TOX3: variants seen among roughly 807,000 people sequenced by gnomAD.
TOX3 encodes CAG trinucleotide repeat-containing gene F9 protein.
A neutral mutation model predicts 64.3 loss-of-function variants in TOX3; 22 were observed. The ratio of observed to expected loss-of-function variants is 0.34; its 90% CI spans 0.24 to 0.49. TOX3 has a LOEUF of 0.49. Among genes scored for constraint, TOX3 ranks in the 20% least tolerant of loss-of-function variants. TOX3 has a pLI of 0.99. For synonymous variants in TOX3, 291 were observed against 273.6 expected (o/e 1.06, Z -0.63); for missense variants, 661 against 714.4 (o/e 0.93, Z 0.85).
At chr16:52,495,415 C>G (rs910380203) in intron 1 of TOX3, among the ~76,000 whole-genome samples, 1 of 152,130 alleles carries the variant, frequency 6.6e-6, no homozygotes, top group Non-Finnish European at 1.5e-5. Flanking sequence ...CACTCTGGAC[C>G]AACTTTTTCA....
chr16:52,525,177 C>T (rs1264813507), intron 1 of TOX3, among the ~76,000 whole-genome samples: 2 of 152,096 alleles, frequency 1.3e-5, no homozygotes, highest in African/African-American at 2.4e-5. Flanking sequence ...CTGACGAATG[C>T]AAAGGCTGAT....
chr16:52,468,659 A>C (rs9928698), intron 1 of TOX3, 85 bp from the exon 2 acceptor site: 594,526 of 1,076,072 alleles, frequency 0.55, 168,194 homozygotes, highest in East Asian at 0.78. Context: ...TGGTGTTGCT[A>C]AATAAAAGAG....
At chr16:52,488,427 C>T (rs1191101965) in intron 1 of TOX3, among the ~76,000 whole-genome samples, 1 of 152,186 alleles carries the variant, frequency 6.6e-6, no homozygotes, top group African/African-American at 2.4e-5. Context: ...CCCACCACCC[C>T]CATGCCCACT....
At position 52,473,972 on chromosome 16, in the gene TOX3, C is replaced by A. The variant is rs766114302; in HGVS notation, c.88-5398G>T. 2.0e-5 allele frequency among the ~76,000 whole-genome samples: 3 copies of A among 152,208 alleles called. No individual in the cohort carries two copies. The East Asian group carries it at 5.8e-4, about 29-fold the overall frequency. On this transcript the variant is annotated intron_variant, in intron 1 of 6. Coordinates refer to ENST00000219746, the MANE Select transcript of TOX3 (RefSeq NM_001080430.4). Reference sequence around the variant, plus strand: ...ACATACATATAATCACACACACACACGTCCACATGCTAAAACTCCTAGATG... The same window carrying A: ...ACATACATATAATCACACACACACAAGTCCACATGCTAAAACTCCTAGATG...
intron 2 of TOX3, among the ~76,000 whole-genome samples, chr16:52,467,184 C>A (rs1225131787): frequency 6.6e-6 from 1 of 152,062 alleles, no homozygotes; most frequent in Non-Finnish European, 1.5e-5. Flanking sequence ...GGTGAATTAT[C>A]ACAGCTGGAA....
chr16:52,456,957 T>C (rs189834360), intron 3 of TOX3, among the ~76,000 whole-genome samples: 293 of 152,272 alleles, frequency 1.9e-3, no homozygotes, highest in African/African-American at 6.2e-3. Context: ...TAAAAGAGAA[T>C]TGAAAGGTGA....
chr16:52,478,871 G>A (rs1022355502), intron 1 of TOX3, among the ~76,000 whole-genome samples: 13 of 152,194 alleles, frequency 8.5e-5, no homozygotes, highest in African/African-American at 2.9e-4. Flanking sequence ...AGAGGCACTT[G>A]ATAAATGTCA....
intron 4 of TOX3, among the ~76,000 whole-genome samples, chr16:52,447,140 T>C (rs538015615): frequency 2.0e-4 from 31 of 152,320 alleles, no homozygotes; most frequent in African/African-American, 7.0e-4. Flanking sequence ...CTAAGTTCAC[T>C]GATCATTTAA....
chr16:52,522,770 C>T (rs1452310993), intron 1 of TOX3, among the ~76,000 whole-genome samples: 1 of 152,208 alleles, frequency 6.6e-6, no homozygotes, highest in Non-Finnish European at 1.5e-5. Context: ...ATCCAAGTGT[C>T]TCTCCTATCT....
intron 1 of TOX3, among the ~76,000 whole-genome samples, chr16:52,502,182 T>C (rs1962022227): frequency 6.6e-6 from 1 of 152,170 alleles, no homozygotes; most frequent in South Asian, 2.1e-4. Context: ...TGCCAGGCTG[T>C]ATGCAGCACC....
intron 1 of TOX3, among the ~76,000 whole-genome samples, chr16:52,485,246 GTATATATATATA>G (rs34195222): frequency 7.8e-6 from 1 of 127,890 alleles, no homozygotes; most frequent in Non-Finnish European, 1.6e-5. Flanking sequence ...ATGTGTGTGT[GTATATATATATA>G]TATATATATA....
intron 1 of TOX3, among the ~76,000 whole-genome samples, chr16:52,483,231 G>A (rs1445647941): frequency 6.6e-6 from 1 of 152,198 alleles, no homozygotes; most frequent in Non-Finnish European, 1.5e-5. Context: ...GTAAAGTGGT[G>A]ACACTGAATA....
chr16:52,444,512 C>G, intron 5 of TOX3, 156 bp from the exon 6 acceptor site: 2 of 444,502 alleles, frequency 4.5e-6, no homozygotes, highest in Non-Finnish European at 7.9e-6. Flanking sequence ...CACACACACA[C>G]ACACACACAC....
At chr16:52,533,346 G>T (rs981985992) in intron 1 of TOX3, among the ~76,000 whole-genome samples, 4 of 152,116 alleles carry the variant, frequency 2.6e-5, no homozygotes, top group African/African-American at 9.7e-5. Context: ...CTCTGCTCTA[G>T]GAAGTACAAA....
chr16:52,481,893 A>C (rs1961380132), intron 1 of TOX3, among the ~76,000 whole-genome samples: 1 of 152,212 alleles, frequency 6.6e-6, no homozygotes, highest in Admixed American at 6.5e-5. Context: ...ATCTTTTACT[A>C]GGAAAGAGCT....
chr16:52,508,382 C>T (rs996872483), intron 1 of TOX3, among the ~76,000 whole-genome samples: 15 of 152,068 alleles, frequency 9.9e-5, no homozygotes, highest in African/African-American at 3.6e-4. Flanking sequence ...TTGCAGGACC[C>T]GCCCATGATA....
intron 1 of TOX3, among the ~76,000 whole-genome samples, chr16:52,504,453 C>T (rs1962101442): frequency 3.2e-5 from 4 of 124,270 alleles, no homozygotes; most frequent in African/African-American, 9.0e-5. Context: ...GGTGATAGAG[C>T]GAGACTCCGT....
rs568307183 is a variant in TOX3, at chr16:52,537,781, G to T, written c.87+8856C>A. 7.4e-5 allele frequency among the ~76,000 whole-genome samples: 11 copies of T among 148,300 alleles called. No individual in the cohort carries two copies. The South Asian group carries it at 2.4e-3, about 32-fold the overall frequency. ...AAAAGCTGCTGAAACATGCAAGAAA[G>T]AATCTCTCCCTCTTGAAGAGGCTGA... On this transcript the variant is annotated intron_variant, in intron 1 of 6. Coordinates refer to ENST00000219746, the MANE Select transcript of TOX3 (RefSeq NM_001080430.4).
chr16:52,537,039 A>G (rs1233976490), intron 1 of TOX3, among the ~76,000 whole-genome samples: 1 of 151,988 alleles, frequency 6.6e-6, no homozygotes, highest in African/African-American at 2.4e-5. Context: ...CTGACCACCC[A>G]ATCCATCATT....
Sources: gnomAD v4.1 joint callset for allele counts (sites outside exome capture counted in the v4.1 genomes callset) on GRCh38, gnomAD v4.1.1 for gene constraint, MANE v1.5 for transcripts, NCBI Gene and HGNC (gene_info 2026-07-23, HGNC 2026-07-21) for gene names.